The following MYBBP1A variants were observed in gnomAD, a reference collection of about 807,000 sequenced individuals.
The protein encoded by MYBBP1A is myb-binding protein 1A.
A neutral mutation model predicts 136.3 loss-of-function variants in MYBBP1A; 147 were observed. The observed-to-expected ratio is 1.08, with a 90% CI of 0.94 to 1.24. The LOEUF (loss-of-function observed/expected upper bound fraction) is 1.24. Ranked by LOEUF, MYBBP1A falls within the 50% of genes most tolerant of loss-of-function variation. The pLI, the probability that MYBBP1A is intolerant of heterozygous loss-of-function variation, is 0.00. For missense variants in MYBBP1A, 2,060 were observed against 1,727.4 expected (o/e 1.19, Z -3.41); for synonymous variants, 947 against 735.8 (o/e 1.29, Z -4.65).
Position 4,543,101 on chromosome 17 carries a change from C to T in MYBBP1A, c.2704G>A (p.Ala902Thr), listed in dbSNP as rs372743253. The T allele has an allele frequency of 3.1e-5, 50 of 1,612,922 alleles. No individual in the cohort carries two copies. Among genetic ancestry groups the T allele is most frequent in the African/African-American group, 2.9e-4 (22 of 75,064 alleles). The change falls in exon 20 of 26, where the codon GCC becomes ACC. Residue 902 changes from alanine (A) to threonine (T), a missense_variant. Physicochemically the swap from Ala to Thr is moderately conservative, Grantham distance 58. Transcript: ENST00000254718. ...DLGERAGALH[A>T]QVERLVQQAG... Reference sequence around the variant, plus strand: ...TGCTGCACCAACCGCTCCACCTGGGCGTGCAGGGCCCCTGCGCGCTCACCC... The same window carrying T: ...TGCTGCACCAACCGCTCCACCTGGGTGTGCAGGGCCCCTGCGCGCTCACCC...
At chr17:4,544,058 G>C (rs1223111076) in intron 19 of MYBBP1A, among the ~76,000 whole-genome samples, 1 of 152,096 alleles carries the variant, frequency 6.6e-6, no homozygotes, top group Non-Finnish European at 1.5e-5. Context: ...CCTGCCCAAG[G>C]CCTCCCAGCC....
intron 22 of MYBBP1A, chr17:4,542,232 G>C: frequency 1.7e-6 from 1 of 593,362 alleles, no homozygotes; most frequent in Non-Finnish European, 3.0e-6. Context: ...AGTGGCTGCG[G>C]GAGTGAGGCT....
chr17:4,547,947 G>T lies in MYBBP1A; in HGVS notation c.1824+11C>A. ...CCAGGCTCACAGCCCCTCCCTCCCA[G>T]GCCCCAGTACCTTGAGGAGGTGGAT... is the stretch of plus-strand genomic sequence containing the variant. On this transcript the variant is annotated intron_variant, in intron 13 of 25. Transcript: ENST00000254718. The T allele has an allele frequency of 6.8e-7, 1 of 1,471,320 alleles. No homozygotes were observed. 91.1% of individuals were successfully genotyped at this position (1,471,320 alleles called of 1,614,324 possible). A position where few individuals can be genotyped will look rare whatever the true frequency, so the allele number is the denominator to read the frequency against.
rs200581562 is a variant in MYBBP1A, at chr17:4,545,922, G to A, written c.1845C>T (p.Asp615=). 1.2e-6 allele frequency: 2 copies of A among 1,613,296 alleles called. No homozygotes were observed. Among genetic ancestry groups the A allele is most frequent in the Non-Finnish European group, 1.7e-6 (2 of 1,179,974 alleles). ...TGCAGGTCTGGATGTCACCCAGCAGGTCACAGCTCTCTGCAGGGGACTGCG... is the reference window on the plus strand; with the variant it reads ...TGCAGGTCTGGATGTCACCCAGCAGATCACAGCTCTCTGCAGGGGACTGCG... The part of the protein sequence containing the change: ...HLLKSPAESC[D]LLGDIQTCIR... The change falls in exon 14 of 26, where the codon GAC becomes GAT. Residue 615 remains aspartate, a synonymous_variant. Transcript: ENST00000254718.
chr17:4,554,966 C>T lies in MYBBP1A; in HGVS notation c.199-10G>A. 6.2e-7 allele frequency: 1 copy of T among 1,613,308 alleles called. No individual in the cohort carries two copies. The highest frequency in any genetic ancestry group is 2.2e-5 in the East Asian group (1 of 44,868). On this transcript the variant is annotated splice_polypyrimidine_tract_variant and intron_variant, in intron 1 of 25. Coordinates refer to ENST00000254718, the MANE Select transcript of MYBBP1A (RefSeq NM_014520.4). ...ATTTCATCTCGGACCCCTGCGGAAC[C>T]AAGCACACCCTCGTGTTCAATGGTG...
chr17:4,554,579 C>A (rs539558864), intron 2 of MYBBP1A, among the ~76,000 whole-genome samples: 2 of 152,340 alleles, frequency 1.3e-5, no homozygotes, highest in East Asian at 1.9e-4. Context: ...CTGAATGCCT[C>A]TGCAGGCCTA....
intron 22 of MYBBP1A, 78 bp downstream of exon 22, chr17:4,542,386 C>T (rs576944263): frequency 7.4e-6 from 11 of 1,480,362 alleles, no homozygotes; most frequent in Middle Eastern, 2.5e-4. Context: ...GCTCTGGGGC[C>T]TCACAATATC....
chr17:4,539,897 G>A lies in MYBBP1A; in HGVS notation c.3505C>T (p.Arg1169Trp), dbSNP rs148448466. The A allele has an allele frequency of 1.3e-5, 21 of 1,601,192 alleles. No individual in the cohort carries two copies. The highest frequency in any genetic ancestry group is 1.7e-4 in the Middle Eastern group (1 of 6,060). Residue 1169 changes from arginine to tryptophan, a missense_variant, in exon 26 of 26, where the codon CGG becomes TGG. Coordinates refer to ENST00000254718, the MANE Select transcript of MYBBP1A (RefSeq NM_014520.4). ...SATQSPISKKRKKKGFLPETK... is the reference protein window; with the variant it reads ...SATQSPISKKWKKKGFLPETK... ...TCTGGCAAGAATCCCTTTTTCTTCCGCTTCTTACTGATGGGGCTCTGGGTG... is the reference window on the plus strand; with the variant it reads ...TCTGGCAAGAATCCCTTTTTCTTCCACTTCTTACTGATGGGGCTCTGGGTG...
At chr17:4,546,261 G>A (rs564115605) in intron 13 of MYBBP1A, among the ~76,000 whole-genome samples, 4 of 152,324 alleles carry the variant, frequency 2.6e-5, no homozygotes, top group African/African-American at 4.8e-5. Flanking sequence ...TGGGATTGCA[G>A]GCGTGTACCA....
chr17:4,541,279 C>T (rs1014036368), intron 24 of MYBBP1A, among the ~76,000 whole-genome samples, 184 bp downstream of exon 24: 1 of 152,268 alleles, frequency 6.6e-6, no homozygotes, highest in East Asian at 1.9e-4. Flanking sequence ...TCCCAAGTCA[C>T]TCACCCATCC....
At position 4,552,476 on chromosome 17, in the gene MYBBP1A, G is replaced by T; in HGVS notation, c.712C>A (p.Leu238Ile). The change falls in exon 6 of 26, where the codon CTA becomes ATA. Residue 238 changes from leucine to isoleucine, a missense_variant. Coordinates refer to ENST00000254718, the MANE Select transcript of MYBBP1A (RefSeq NM_014520.4). The surrounding 1 kb of genome is among the most constrained non-coding windows in gnomAD (Gnocchi z 4.7). ...CTGGGGACATTCTCATCTGAGAATAGGTTCACGGATCCCACCAGCTTCTTG... is the reference window on the plus strand; with the variant it reads ...CTGGGGACATTCTCATCTGAGAATATGTTCACGGATCCCACCAGCTTCTTG... ...KLKKLVGSVN[L>I]FSDENVPRLV... is the part of the protein sequence containing the mutation. 1 of 1,613,494 alleles carries T rather than the reference G, an allele frequency of 6.2e-7. No individual in the cohort carries two copies. Among genetic ancestry groups the T allele is most frequent in the Non-Finnish European group, 8.5e-7 (1 of 1,180,028 alleles).
At chr17:4,541,683 G>T in intron 23 of MYBBP1A, 101 bp downstream of exon 23, 1 of 1,424,154 alleles carries the variant, frequency 7.0e-7, no homozygotes, top group South Asian at 1.1e-5. Context: ...CAGTTCTCCC[G>T]ACTCTGGACT....
At chr17:4,551,803 C>G in intron 8 of MYBBP1A, 77 bp downstream of exon 8, 2 of 1,329,704 alleles carry the variant, frequency 1.5e-6, no homozygotes, top group Admixed American at 1.8e-5. Flanking sequence ...CCCCGAGGTG[C>G]CCTGCTCCCC....
At chr17:4,542,198 C>T in intron 22 of MYBBP1A, 1 of 584,830 alleles carries the variant, frequency 1.7e-6, no homozygotes. Context: ...CCAGGGGCAT[C>T]CTGTGTGTGG....
chr17:4,548,613 CTTCT>C lies in MYBBP1A; in HGVS notation c.1463_1466del (p.Lys488SerfsTer65), dbSNP rs1445577803. The C allele has an allele frequency of 1.9e-6, 3 of 1,614,054 alleles. No homozygotes were observed. The highest frequency in any genetic ancestry group is 1.7e-6 in the Non-Finnish European group (2 of 1,180,006). ...TTGTCTCAGGGATCTGGGATGTGGG[CTTCT>C]TTGTGACAAAGAACGAGTGGAACAA... is the stretch of plus-strand genomic sequence containing the variant. On this transcript the variant is annotated frameshift_variant, in exon 11 of 26. Coordinates refer to ENST00000254718, the MANE Select transcript of MYBBP1A (RefSeq NM_014520.4). LOFTEE classifies it high-confidence loss of function. This position sits in a 1 kb window ranked among gnomAD's most constrained non-coding sequence, Gnocchi z 4.2.
rs371447129 is a variant in MYBBP1A, at chr17:4,551,870, C to A, written c.1023+10G>T. On this transcript the variant is annotated intron_variant, in intron 8 of 25. Coordinates refer to ENST00000254718, the MANE Select transcript of MYBBP1A (RefSeq NM_014520.4). ...TTCTGGCAGTGTCGAGCTGCACGGG[C>A]ATTACCCACCTTAGCAGTGCACACG... 2.5e-6 allele frequency: 4 copies of A among 1,609,460 alleles called. No homozygotes were observed. The highest frequency in any genetic ancestry group is 3.4e-6 in the Non-Finnish European group (4 of 1,176,960).
chr17:4,541,702 A>C (rs1906449622), intron 23 of MYBBP1A, 82 bp downstream of exon 23: 1 of 1,471,826 alleles, frequency 6.8e-7, no homozygotes, highest in Admixed American at 1.7e-5. Context: ...CTCAGGCTCC[A>C]ATCCTCACTT....
In MYBBP1A at chr17:4,552,054, CT is replaced by C. The variant is rs779749376; in HGVS notation, c.906-58del. 2.1e-4 allele frequency: 339 copies of C among 1,596,332 alleles called. No homozygotes were observed. The highest frequency in any genetic ancestry group is 2.8e-4 in the Non-Finnish European group (333 of 1,169,360). ...AGCCCTTGGTGCCCCTGGTGGGAAC[CT>C]CAGGACTAGTGGCCTAGCCCACTTC... On this transcript the variant is annotated intron_variant, in intron 7 of 25. Transcript: ENST00000254718. This position sits in a 1 kb window ranked among gnomAD's most constrained non-coding sequence, Gnocchi z 4.7.
intron 19 of MYBBP1A, among the ~76,000 whole-genome samples, chr17:4,543,658 A>G (rs1260361595): frequency 1.3e-5 from 2 of 152,044 alleles, no homozygotes; most frequent in East Asian, 3.9e-4. Context: ...TGAAGAATGC[A>G]CTGCCAGTCA....
Sources: gnomAD v4.1 joint callset for allele counts (sites outside exome capture counted in the v4.1 genomes callset) on GRCh38, gnomAD v4.1.1 for gene constraint, Gnocchi (gnomAD v3.1) non-coding constraint, MANE v1.5 for transcripts, NCBI Gene and HGNC (gene_info 2026-07-23, HGNC 2026-07-21) for gene names.